Variants in C2 observed in about 807,000 individuals in gnomAD.
C2 encodes the protein C3/C5 convertase.
C2 carries 64 observed loss-of-function variants against 85.2 expected under a neutral mutation model. The ratio of observed to expected loss-of-function variants is 0.75; its 90% confidence interval spans 0.61 to 0.92. The LOEUF (loss-of-function observed/expected upper bound fraction) is 0.92, where lower values mean the gene tolerates loss of function less well. Among genes scored for constraint, C2 ranks in the 40% least tolerant of loss-of-function variants. The probability of loss-of-function intolerance (pLI) is 0.00; values close to 1 mark genes in which losing one functional copy is unlikely to be tolerated. For synonymous variants in C2, 311 were observed against 370.8 expected, an observed-to-expected ratio of 0.84 and a Z score of 1.85; for missense variants, 820 against 971.6, an observed-to-expected ratio of 0.84 and a Z score of 2.07.
rs1767618409 is a variant in C2, at chr6:31,904,911, C to T, written c.73+3772C>T. On this transcript the variant is annotated intron_variant, in intron 1 of 3. Coordinates refer to the C2 transcript ENST00000452202. This position sits in a 1 kb window ranked among gnomAD's most constrained non-coding sequence, Gnocchi z 4.4. Reference sequence around the variant, plus strand: ...GTGTCCAGCCCACCCAGTTACAACTCTGCGTAAAAACAAGCAGAGGTGCAC... The same window carrying T: ...GTGTCCAGCCCACCCAGTTACAACTTTGCGTAAAAACAAGCAGAGGTGCAC... Among the ~76,000 whole-genome samples the T allele has an allele frequency of 6.6e-6, 1 of 152,024 alleles. No individual in the cohort carries two copies. The highest frequency in any genetic ancestry group is 2.1e-4 in the South Asian group (1 of 4,812).
At chr6:31,929,064 G>A in intron 3 of C2, 147 bp downstream of exon 3, 2 of 743,128 alleles carry the variant, frequency 2.7e-6, no homozygotes, top group Non-Finnish European at 4.3e-6. Flanking sequence ...GGTAAATTGA[G>A]GTCTACAGGT....
upstream of C2, among the ~76,000 whole-genome samples, chr6:31,916,750 C>CCTTTTTTTTTTTTTTTTTTTT (rs1562565569): frequency 9.0e-6 from 1 of 110,970 alleles, no homozygotes; most frequent in African/African-American, 3.4e-5. Context: ...GTTCTCTGCC[C>CCTTTTTTTTTTTTTTTTTTTT]TTTTTTTTTT....
chr6:31,923,213 A>G (rs539039868), upstream of C2, among the ~76,000 whole-genome samples: 79 of 152,216 alleles, frequency 5.2e-4, no homozygotes, highest in Non-Finnish European at 9.0e-4. Flanking sequence ...AGGTCAGGTC[A>G]TGGTCCTTCC....
chr6:31,901,644 CG>C (rs1767286791), intron 1 of C2, among the ~76,000 whole-genome samples: 1 of 151,856 alleles, frequency 6.6e-6, no homozygotes. Context: ...AAGGTGGCCC[CG>C]GTTGCAGGCT....
At position 31,936,033 on chromosome 6, in the gene C2, C is replaced by G. The variant is rs767907586; in HGVS notation, c.960C>G (p.Ile320Met). The G allele has an allele frequency of 1.4e-5, 23 of 1,612,956 alleles. No individual in the cohort carries two copies. Among genetic ancestry groups the G allele is most frequent in the Non-Finnish European group, 1.4e-5 (16 of 1,180,042 alleles). Residue 320 changes from isoleucine (I) to methionine (M), a missense_variant, in exon 7 of 18, where the codon ATC becomes ATG. By Grantham distance (10) the Ile-to-Met change is conservative. Coordinates refer to ENST00000299367, the MANE Select transcript of C2 (RefSeq NM_000063.6). Reference sequence around the variant, plus strand: ...ACTCCCGGGATATGACTGAGGTGATCAGCAGCCTGGAAAATGCCAACTATA... The same window carrying G: ...ACTCCCGGGATATGACTGAGGTGATGAGCAGCCTGGAAAATGCCAACTATA... Reference protein sequence around the residue: ...NDNSRDMTEVISSLENANYKD... With the variant: ...NDNSRDMTEVMSSLENANYKD...
At chr6:31,941,200 C>T (rs967463907) in intron 9 of C2, 2 of 152,228 alleles carry the variant, frequency 1.3e-5, no homozygotes, top group African/African-American at 4.8e-5. Flanking sequence ...TACCACAAAC[C>T]TGGGTGGCTT....
upstream of C2, among the ~76,000 whole-genome samples, chr6:31,916,859 T>C (rs1582039743): frequency 1.3e-5 from 1 of 77,188 alleles, no homozygotes; most frequent in African/African-American, 5.7e-5. Context: ...AGGGCGAGAC[T>C]CCATCTCAAC....
At chr6:31,938,825 G>A (rs992023338) in intron 8 of C2, among the ~76,000 whole-genome samples, 3 of 152,136 alleles carry the variant, frequency 2.0e-5, no homozygotes, top group Admixed American at 2.0e-4. Context: ...GGCTAATTTT[G>A]TATATTTAGT....
rs1193842153 is a variant in C2, at chr6:31,944,868, A to G, written c.2029+15A>G. On this transcript the variant is annotated intron_variant, in intron 16 of 17. Transcript: ENST00000299367. This position sits in a 1 kb window ranked among gnomAD's most constrained non-coding sequence, Gnocchi z 5.1. ...TCCCTGCAAGGGTGAGTCCCTCACC[A>G]TGCCTGGATTCCCAAGGGGAAGGCC... 6.2e-7 allele frequency: 1 copy of G among 1,612,940 alleles called. No individual in the cohort carries two copies. The highest frequency in any genetic ancestry group is 8.5e-7 in the Non-Finnish European group (1 of 1,180,024).
intron 1 of C2, among the ~76,000 whole-genome samples, chr6:31,912,209 T>A (rs907283124): frequency 1.3e-5 from 2 of 152,216 alleles, no homozygotes; most frequent in African/African-American, 4.8e-5. Flanking sequence ...GCTTCCCTGC[T>A]AATGCTAAAC....
chr6:31,937,253 G>A lies in C2; in HGVS notation c.989-66G>A, dbSNP rs968915982. On this transcript the variant is annotated intron_variant, in intron 7 of 17. Transcript: ENST00000299367. Reference sequence around the variant, plus strand: ...TTTCCAATAATTGGGGGAATAGAGTGATTCCCTACCCCTAGGTGGTAGGTG... The same window carrying A: ...TTTCCAATAATTGGGGGAATAGAGTAATTCCCTACCCCTAGGTGGTAGGTG... 3 of 1,492,216 alleles carry A rather than the reference G, an allele frequency of 2.0e-6. No individual in the cohort carries two copies. In the African/African-American group the frequency reaches 4.1e-5, roughly 21 times the overall value. The allele number at this position is 1,492,216 out of a possible 1,614,324, so 92.4% of individuals were successfully genotyped here.
rs1767568921 is a variant in C2, at chr6:31,904,261, T to A, written c.73+3122T>A. Among the ~76,000 whole-genome samples, 1 of 152,066 alleles carries A rather than the reference T, an allele frequency of 6.6e-6. No homozygotes were observed. The highest frequency in any genetic ancestry group is 2.1e-4 in the South Asian group (1 of 4,816). On this transcript the variant is annotated intron_variant, in intron 1 of 3. Transcript: ENST00000452202. This position sits in a 1 kb window ranked among gnomAD's most constrained non-coding sequence, Gnocchi z 4.4. ...AACAATAGCTCTGTTCTCCTTTTCC[T>A]AATCTGGGAAACGGACTATGAAATT...
At chr6:31,914,510 G>T (rs1489995072) in intron 1 of C2, among the ~76,000 whole-genome samples, 3 of 151,314 alleles carry the variant, frequency 2.0e-5, no homozygotes, top group Admixed American at 1.3e-4. Flanking sequence ...AGAATCGCTT[G>T]AACCTAGGAG....
Position 31,903,601 on chromosome 6 carries a change from G to A in C2, c.73+2462G>A, listed in dbSNP as rs1185027438. Among the ~76,000 whole-genome samples, 3 of 152,118 alleles carry A rather than the reference G, an allele frequency of 2.0e-5. 1 individual carries two copies. Among genetic ancestry groups the A allele is most frequent in the African/African-American group, 7.3e-5 (3 of 41,368 alleles). On this transcript the variant is annotated intron_variant, in intron 1 of 3. Transcript: ENST00000452202. ...GCCTAGATTGCGCCATTGCACTCCAGCCTGGGCGACAGAGCAAGACTCCTT... is the reference window on the plus strand; with the variant it reads ...GCCTAGATTGCGCCATTGCACTCCAACCTGGGCGACAGAGCAAGACTCCTT...
At chr6:31,933,479 G>A in intron 3 of C2, 131 bp from the exon 4 acceptor site, 1 of 861,760 alleles carries the variant, frequency 1.2e-6, no homozygotes, top group East Asian at 2.6e-5. Flanking sequence ...GGTCTCTGGG[G>A]GCTCTGGGAC....
intron 6 of C2, chr6:31,934,501 C>A: frequency 8.0e-7 from 1 of 1,243,094 alleles, no homozygotes; most frequent in Non-Finnish European, 1.1e-6. Flanking sequence ...GGACACTGTG[C>A]TGGGGCTGGG....
upstream of C2, among the ~76,000 whole-genome samples, chr6:31,918,611 A>AAAT (rs1472481975): frequency 6.6e-6 from 1 of 151,414 alleles, no homozygotes. Context: ...AAAAAAAAAA[A>AAAT]AATCCTGGCT....
rs553615721 is a variant in C2 at position 31,931,226 on chromosome 6, G to T, written c.442+2309G>T. 2.0e-5 allele frequency among the ~76,000 whole-genome samples: 3 copies of T among 148,722 alleles called. No homozygotes were observed. The South Asian group carries it at 6.5e-4, about 32-fold the overall frequency. On this transcript the variant is annotated intron_variant, in intron 3 of 17. Transcript: ENST00000299367. ...CTGATGGACATTTGGATTATTTCCA[G>T]TTTGGGGCCATTAGGAGTAAAGCTC...
chr6:31,905,174 C>T (rs2151701117), intron 1 of C2, among the ~76,000 whole-genome samples: 1 of 152,146 alleles, frequency 6.6e-6, no homozygotes, highest in African/African-American at 2.4e-5. Flanking sequence ...TGGTTCATTC[C>T]TGTAATCCCA....
Sources: gnomAD v4.1 joint callset for allele counts (sites outside exome capture counted in the v4.1 genomes callset) on GRCh38, gnomAD v4.1.1 for gene constraint, Gnocchi (gnomAD v3.1) non-coding constraint, MANE v1.5 for transcripts, NCBI Gene and HGNC (gene_info 2026-07-23, HGNC 2026-07-21) for gene names.